Variants in PHIP observed in about 807,000 individuals in gnomAD.
PHIP encodes the protein PHIP subunit of CUL4-Ring ligase complex, also known as PH-interacting protein.
A neutral mutation model predicts 236.8 loss-of-function variants in PHIP; 54 were observed. The observed-to-expected ratio is 0.23, with a 90% confidence interval of 0.18 to 0.29. The LOEUF (loss-of-function observed/expected upper bound fraction) is 0.29, where lower values mean the gene tolerates loss of function less well. PHIP is among the 10% of genes least tolerant of loss of function. PHIP has a pLI of 1.00. For missense variants in PHIP, 1,370 were observed against 2,190.8 expected, an observed-to-expected ratio of 0.63 and a Z score of 7.48; for synonymous variants, 756 against 718.9, an observed-to-expected ratio of 1.05 and a Z score of -0.83.
intron 20 of PHIP, among the ~76,000 whole-genome samples, chr6:78,988,883 G>T (rs1336317749): frequency 6.6e-6 from 1 of 152,052 alleles, no homozygotes; most frequent in African/African-American, 2.4e-5. Context: ...ATAGGCAGAG[G>T]CAAATTGGAA....
At chr6:78,946,313 A>T in intron 37 of PHIP, 53 bp from the exon 38 acceptor site, 1 of 1,512,288 alleles carries the variant, frequency 6.6e-7, no homozygotes, top group Non-Finnish European at 8.9e-7. Flanking sequence ...GTGAACGAAT[A>T]AAACAGTTTA....
intron 30 of PHIP, 34 bp from the exon 31 acceptor site, chr6:78,961,844 T>A: frequency 1.3e-6 from 2 of 1,519,498 alleles, no homozygotes; most frequent in Non-Finnish European, 9.0e-7. Flanking sequence ...AAATTTATTT[T>A]TGTATGCCTA....
At chr6:79,034,578 T>C (rs920170504) in intron 7 of PHIP, among the ~76,000 whole-genome samples, 12 of 152,206 alleles carry the variant, frequency 7.9e-5, no homozygotes, top group South Asian at 2.1e-4. Flanking sequence ...AAAGGCCTAA[T>C]TGAACTATTT....
intron 6 of PHIP, among the ~76,000 whole-genome samples, chr6:79,043,350 A>G (rs181143476): frequency 1.1e-3 from 166 of 152,206 alleles, no homozygotes; most frequent in Non-Finnish European, 1.8e-3. Flanking sequence ...TATTTCCTTA[A>G]AAGCTGTCTA....
In PHIP at chr6:79,016,330, C is replaced by T. The variant is rs182239193; in HGVS notation, c.1235+214G>A. On this transcript the variant is annotated intron_variant, in intron 13 of 39. Transcript: ENST00000275034. ...ACTTTTCTTACAGTACTTTTATCATCTCCTTAAAAAAATTAATGCAATGTC... is the reference window on the plus strand; with the variant it reads ...ACTTTTCTTACAGTACTTTTATCATTTCCTTAAAAAAATTAATGCAATGTC... Among the ~76,000 whole-genome samples the T allele has an allele frequency of 2.6e-5, 4 of 151,976 alleles. No individual in the cohort carries two copies. The East Asian group carries it at 7.7e-4, about 29-fold the overall frequency.
rs752273782 is a variant in PHIP, at chr6:78,954,820, T to C, written c.4047A>G (p.Glu1349=). ...EPFRQPVDLL[E]YPDYRDIIDT... is the part of the protein sequence containing the mutation. ...TATTTTCAAAAATACTTACTGGATA[T>C]TCAAGGAGATCTACCGGCTGACGGA... is the stretch of plus-strand genomic sequence containing the variant. Residue 1349 remains glutamate (E), a synonymous_variant, in exon 35 of 40, where the codon GAA becomes GAG. Coordinates refer to ENST00000275034, the MANE Select transcript of PHIP (RefSeq NM_017934.7). The C allele has an allele frequency of 5.7e-6, 9 of 1,578,832 alleles. No individual in the cohort carries two copies. In the South Asian group the frequency reaches 9.4e-5, roughly 17 times the overall value.
chr6:79,073,354 T>C (rs1051674143), intron 4 of PHIP, among the ~76,000 whole-genome samples: 1 of 152,146 alleles, frequency 6.6e-6, no homozygotes, highest in East Asian at 1.9e-4. Flanking sequence ...ATAACGACCA[T>C]ATGAGATTAA....
chr6:78,942,763 C>T (rs1483023113), intron 39 of PHIP, among the ~76,000 whole-genome samples: 1 of 152,148 alleles, frequency 6.6e-6, no homozygotes, highest in African/African-American at 2.4e-5. Flanking sequence ...GTACCTACTA[C>T]AGAAGATAGG....
intron 6 of PHIP, among the ~76,000 whole-genome samples, chr6:79,048,458 C>A (rs1011315386): frequency 1.3e-5 from 2 of 152,030 alleles, no homozygotes; most frequent in Non-Finnish European, 2.9e-5. Flanking sequence ...ATAAAAAAAA[C>A]CCTGCAAATA....
chr6:78,936,948 A>C lies in PHIP; in HGVS notation c.*3745T>G, dbSNP rs1346814232. On this transcript the variant is annotated 3_prime_UTR_variant, in exon 40 of 40. Coordinates refer to ENST00000275034, the MANE Select transcript of PHIP (RefSeq NM_017934.7). Reference sequence around the variant, plus strand: ...GAAGCAAAGAAAAGTGTATTTTTCAAATTTTAATGGGAAAATAAATTCTTG... The same window carrying C: ...GAAGCAAAGAAAAGTGTATTTTTCACATTTTAATGGGAAAATAAATTCTTG... The C allele has an allele frequency of 6.6e-6, 1 of 151,822 alleles. No homozygotes were observed. The highest frequency in any genetic ancestry group is 1.5e-5 in the Non-Finnish European group (1 of 67,736). The allele number at this position is 151,822 out of a possible 1,614,324, so 9.4% of individuals were successfully genotyped here.
At chr6:78,985,514 A>AT (rs1220585382) in intron 21 of PHIP, 86 bp from the exon 22 acceptor site, 5 of 788,298 alleles carry the variant, frequency 6.3e-6, no homozygotes, top group African/African-American at 3.5e-5. Flanking sequence ...ATATCTTATA[A>AT]TATCAGTCAT....
intron 24 of PHIP, among the ~76,000 whole-genome samples, chr6:78,972,823 A>G (rs138999204): frequency 0.012 from 1,817 of 152,324 alleles, 39 homozygotes; most frequent in African/African-American, 0.042. Context: ...AGGGAAGTTT[A>G]GAGAAAAAAA....
intron 4 of PHIP, among the ~76,000 whole-genome samples, chr6:79,061,327 G>A (rs1044859372): frequency 6.6e-6 from 1 of 152,086 alleles, no homozygotes; most frequent in Non-Finnish European, 1.5e-5. Context: ...GTAGTATCTA[G>A]TTCAGCTATT....
intron 6 of PHIP, among the ~76,000 whole-genome samples, chr6:79,050,970 A>C (rs2127765764): frequency 6.6e-6 from 1 of 152,308 alleles, no homozygotes; most frequent in East Asian, 1.9e-4. Flanking sequence ...TTGTTTGTGT[A>C]ATCTTTCCCA....
rs138019023 is a variant in PHIP at position 79,003,485 on chromosome 6, G to C, written c.1653+245C>G. On this transcript the variant is annotated intron_variant, in intron 16 of 39. Coordinates refer to ENST00000275034, the MANE Select transcript of PHIP (RefSeq NM_017934.7). ...AGAATTCCAATCTAGATTGCCCCAG[G>C]AGGCTAAGAGTTATTTTTTTCCTGA... Among the ~76,000 whole-genome samples, 95 of 151,960 alleles carry C rather than the reference G, an allele frequency of 6.3e-4. 1 individual carries two copies. The South Asian group carries it at 8.1e-3, about 13-fold the overall frequency.
Position 78,977,783 on chromosome 6 carries a change from G to A in PHIP, c.2889+809C>T, listed in dbSNP as rs1012599527. Among the ~76,000 whole-genome samples, 6 of 152,224 alleles carry A rather than the reference G, an allele frequency of 3.9e-5. No individual in the cohort carries two copies. The Middle Eastern group carries it at 0.01, about 259-fold the overall frequency. On this transcript the variant is annotated intron_variant, in intron 24 of 39. Transcript: ENST00000275034. ...GGTAATGTTCTGTGCTCTTCAAGTCGTATGAGGCAAGTAGGATTTTTAAAT... is the reference window on the plus strand; with the variant it reads ...GGTAATGTTCTGTGCTCTTCAAGTCATATGAGGCAAGTAGGATTTTTAAAT...
chr6:79,048,129 C>T (rs1037226902), intron 6 of PHIP, among the ~76,000 whole-genome samples: 1 of 151,502 alleles, frequency 6.6e-6, no homozygotes, highest in African/African-American at 2.4e-5. Flanking sequence ...CATAAGTCCA[C>T]GTAAAAATGT....
At chr6:78,994,808 C>A (rs894494830) in intron 19 of PHIP, among the ~76,000 whole-genome samples, 3 of 152,172 alleles carry the variant, frequency 2.0e-5, no homozygotes, top group Non-Finnish European at 4.4e-5. Flanking sequence ...CAAGACCCTT[C>A]ACCAGCAAGA....
At chr6:78,977,174 C>G (rs1006020683) in intron 24 of PHIP, among the ~76,000 whole-genome samples, 2 of 149,990 alleles carry the variant, frequency 1.3e-5, no homozygotes, top group Non-Finnish European at 3.0e-5. Flanking sequence ...GGCACATATA[C>G]ACCATGGAAT....
Sources: gnomAD v4.1 joint callset for allele counts (sites outside exome capture counted in the v4.1 genomes callset) on GRCh38, gnomAD v4.1.1 for gene constraint, MANE v1.5 for transcripts, NCBI Gene and HGNC (gene_info 2026-07-23, HGNC 2026-07-21) for gene names.